The following TMT1A variants were observed in gnomAD, a reference collection of about 807,000 sequenced individuals.
TMT1A encodes the protein thiol S-methyltransferase TMT1A.
the TMT1A span, chr12:50,929,856 T>C: frequency 6.6e-7 from 1 of 1,505,244 alleles, no homozygotes; most frequent in Non-Finnish European, 9.0e-7. Context: ...AAAAAATAAA[T>C]TAAAAAAGCA....
the TMT1A span, among the ~76,000 whole-genome samples, chr12:50,928,894 C>T: frequency 6.6e-6 from 1 of 152,238 alleles, no homozygotes; most frequent in Admixed American, 6.5e-5. Flanking sequence ...ACACTGACCT[C>T]CCCAAACCTG....
chr12:50,925,634 A>C, the TMT1A span: 27 of 1,342,212 alleles, frequency 2.0e-5, no homozygotes, highest in Non-Finnish European at 2.7e-5. Context: ...TAACATAAAA[A>C]GTAAACTACT....
the TMT1A span, among the ~76,000 whole-genome samples, chr12:50,928,516 G>A: frequency 2.6e-5 from 4 of 152,170 alleles, no homozygotes; most frequent in South Asian, 2.1e-4. Flanking sequence ...TTCCCCCAGC[G>A]TGCATGTGGG....
chr12:50,930,090 C>T, the TMT1A span: 1 of 1,614,044 alleles, frequency 6.2e-7, no homozygotes, highest in Admixed American at 1.7e-5. Context: ...TGCAGCACAT[C>T]CAGGCCCCAC....
chr12:50,925,629 TA>T, the TMT1A span: 1 of 1,381,858 alleles, frequency 7.2e-7, no homozygotes, highest in African/African-American at 1.5e-5. Context: ...CATTTTAACA[TA>T]AAAAGTAAAC....
the TMT1A span, among the ~76,000 whole-genome samples, chr12:50,927,998 T>C: frequency 1.4e-4 from 21 of 152,286 alleles, no homozygotes; most frequent in Admixed American, 7.8e-4. Flanking sequence ...CTAACTTTTA[T>C]ATTTTTAGTA....
At chr12:50,925,105 A>C in the TMT1A span, 1 of 1,614,122 alleles carries the variant, frequency 6.2e-7, no homozygotes, top group Non-Finnish European at 8.5e-7. Flanking sequence ...GTACCTGCTG[A>C]ACTTTCTGGG....
the TMT1A span, among the ~76,000 whole-genome samples, chr12:50,926,907 CTTA>C: frequency 6.6e-6 from 1 of 152,130 alleles, no homozygotes; most frequent in Non-Finnish European, 1.5e-5. Context: ...ACATATTACC[CTTA>C]TTATTTTTAG....
the TMT1A span, among the ~76,000 whole-genome samples, chr12:50,927,715 TC>T: frequency 6.6e-6 from 1 of 152,190 alleles, no homozygotes; most frequent in Non-Finnish European, 1.5e-5. Context: ...CTGTCAACAG[TC>T]CTCTAAAGTA....
At chr12:50,930,107 G>A in the TMT1A span, 1 of 1,613,742 alleles carries the variant, frequency 6.2e-7, no homozygotes, top group Non-Finnish European at 8.5e-7. Flanking sequence ...CCACTGTCCT[G>A]GGAGTTGGTG....
chr12:50,925,018 T>C, the TMT1A span: 1 of 1,608,892 alleles, frequency 6.2e-7, no homozygotes. Context: ...ACTGTTGATC[T>C]GTTTTTTTCC....
At chr12:50,925,388 T>G in the TMT1A span, 1 of 1,614,228 alleles carries the variant, frequency 6.2e-7, no homozygotes, top group South Asian at 1.1e-5. Flanking sequence ...AACCGACACC[T>G]GCAGTTTGAG....
the TMT1A span, among the ~76,000 whole-genome samples, chr12:50,926,045 AAAG>A: frequency 7.9e-6 from 1 of 126,246 alleles, no homozygotes. Context: ...AAAAAGAAAG[AAAG>A]AAAAAAAAGA....
chr12:50,925,419 G>A, the TMT1A span: 1 of 1,614,202 alleles, frequency 6.2e-7, no homozygotes, highest in Non-Finnish European at 8.5e-7. Context: ...TAGCTGCCGG[G>A]GAGAACATGC....
At chr12:50,925,397 A>G in the TMT1A span, 9 of 1,614,080 alleles carry the variant, frequency 5.6e-6, no homozygotes, top group South Asian at 9.9e-5. Context: ...CTGCAGTTTG[A>G]GCGCTTTGTG....
At chr12:50,930,132 T>C in the TMT1A span, 11 of 1,609,030 alleles carry the variant, frequency 6.8e-6, no homozygotes, top group Admixed American at 1.7e-5. Context: ...CTCATATCTA[T>C]GGATATGCTG....
At chr12:50,927,923 C>CA in the TMT1A span, among the ~76,000 whole-genome samples, 81,180 of 151,946 alleles carry the variant, frequency 0.53, 22,527 homozygotes, top group African/African-American at 0.69. Context: ...CTCCCAGGTT[C>CA]AGTGACTCTC....
the TMT1A span, chr12:50,925,391 A>T: frequency 3.1e-6 from 5 of 1,614,204 alleles, no homozygotes; most frequent in Non-Finnish European, 4.2e-6. Context: ...CGACACCTGC[A>T]GTTTGAGCGC....
At chr12:50,932,123 T>C in the TMT1A span, 1 of 152,356 alleles carries the variant, frequency 6.6e-6, no homozygotes, top group Non-Finnish European at 1.5e-5. Context: ...TTTTCCTTAA[T>C]ACTTTGCTGA....
Sources: allele counts gnomAD v4.1 joint callset (sites outside exome capture counted in the v4.1 genomes callset), GRCh38; gene constraint gnomAD v4.1.1; transcripts MANE v1.5; gene names NCBI Gene and HGNC (gene_info 2026-07-23, HGNC 2026-07-21).